The following ZNF695 variants were observed in gnomAD, a reference collection of about 807,000 sequenced individuals.
ZNF695 encodes zinc finger protein SBZF3.
In ZNF695, 11 loss-of-function variants were observed where a neutral mutation model predicts 11.2. That is an observed-to-expected ratio of 0.98 (90% CI 0.62 to 1.62). ZNF695 has a LOEUF of 1.62. ZNF695 is among the 40% of genes most tolerant of loss of function. ZNF695 has a pLI of 0.00. For missense variants in ZNF695, 559 were observed against 590.5 expected (o/e 0.95, Z 0.55); for synonymous variants, 190 against 201.4 (o/e 0.94, Z 0.48).
intron 4 of ZNF695, among the ~76,000 whole-genome samples, chr1:246,971,155 A>G (rs1668414267): frequency 6.6e-6 from 1 of 152,214 alleles, no homozygotes; most frequent in Non-Finnish European, 1.5e-5. Context: ...ATGATAGGTA[A>G]GGTCACACGA....
intron 5 of ZNF695, among the ~76,000 whole-genome samples, chr1:246,959,768 AC>A (rs1668118053): frequency 6.6e-6 from 1 of 152,120 alleles, no homozygotes; most frequent in Admixed American, 6.6e-5. Flanking sequence ...TGAGCTTGTC[AC>A]TTTTTCTTAC....
chr1:246,973,710 A>G (rs899623752), intron 4 of ZNF695, among the ~76,000 whole-genome samples: 2 of 152,228 alleles, frequency 1.3e-5, no homozygotes, highest in Admixed American at 6.5e-5. Flanking sequence ...TAACAACTTG[A>G]AAAAGGCATC....
chr1:246,991,567 C>A (rs1345649667), intron 3 of ZNF695, among the ~76,000 whole-genome samples: 2 of 152,126 alleles, frequency 1.3e-5, no homozygotes, highest in African/African-American at 4.8e-5. Flanking sequence ...ATCAAAACTA[C>A]AATGAGATAT....
At chr1:246,999,851 A>G in intron 2 of ZNF695, 61 bp downstream of exon 2, 1 of 1,536,864 alleles carries the variant, frequency 6.5e-7, no homozygotes, top group Admixed American at 1.8e-5. Context: ...TGTGAAACTC[A>G]TTCATGCAAA....
chr1:246,955,695 G>A (rs561402562), intron 5 of ZNF695, among the ~76,000 whole-genome samples: 2 of 152,170 alleles, frequency 1.3e-5, no homozygotes, highest in South Asian at 2.1e-4. Flanking sequence ...AAATGATAAC[G>A]CCCTATATTT....
chr1:246,982,052 C>T (rs571614440), downstream of ZNF695, among the ~76,000 whole-genome samples: 2 of 152,172 alleles, frequency 1.3e-5, no homozygotes, highest in East Asian at 1.9e-4. Flanking sequence ...GGGCGGATCA[C>T]GTGAGGTTGG....
intron 3 of ZNF695, among the ~76,000 whole-genome samples, chr1:246,992,340 A>C (rs1669065881): frequency 6.6e-6 from 1 of 152,142 alleles, no homozygotes; most frequent in African/African-American, 2.4e-5. Context: ...GTGGAATCTA[A>C]AAGTCCAAAC....
intron 3 of ZNF695, chr1:246,996,082 G>A (rs1215365513): frequency 1.6e-5 from 7 of 445,406 alleles, no homozygotes; most frequent in Admixed American, 7.2e-5. Flanking sequence ...GTGGTGGCCC[G>A]TGCCTGTAAT....
At chr1:246,958,209 C>A (rs927034448) in intron 5 of ZNF695, among the ~76,000 whole-genome samples, 2 of 151,654 alleles carry the variant, frequency 1.3e-5, no homozygotes, top group African/African-American at 4.9e-5. Flanking sequence ...CAGGTGCACA[C>A]CACCACGCCC....
chr1:246,958,153 G>A (rs1668050946), intron 5 of ZNF695, among the ~76,000 whole-genome samples: 2 of 151,070 alleles, frequency 1.3e-5, no homozygotes, highest in Admixed American at 1.3e-4. Flanking sequence ...CCGCCTCCCG[G>A]GTTCACGCCA....
At chr1:246,966,284 T>A (rs147232133) in intron 5 of ZNF695, among the ~76,000 whole-genome samples, 7 of 151,930 alleles carry the variant, frequency 4.6e-5, no homozygotes, top group African/African-American at 1.7e-4. Context: ...AGGTCAGGAG[T>A]TTGAGACCAA....
At chr1:246,974,494 C>T (rs1031450849) in intron 4 of ZNF695, among the ~76,000 whole-genome samples, 3 of 152,180 alleles carry the variant, frequency 2.0e-5, no homozygotes, top group Admixed American at 6.5e-5. Flanking sequence ...CTACCATGTA[C>T]ATATAGTTAG....
rs78357069 is a variant in ZNF695 at position 246,965,804 on chromosome 1, C to G, written c.488+1891G>C. Among the ~76,000 whole-genome samples, 875 of 152,108 alleles carry G rather than the reference C, an allele frequency of 5.8e-3. 19 individuals carry two copies. The highest frequency in any genetic ancestry group is 0.04 in the Admixed American group (617 of 15,256). ...CTGCAGAGTCCCCACAGCAAGAAGGCCCTCACCAGGAGCAGCCTCTCAACC... is the reference window on the plus strand; with the variant it reads ...CTGCAGAGTCCCCACAGCAAGAAGGGCCTCACCAGGAGCAGCCTCTCAACC... On this transcript the variant is annotated intron_variant, in intron 5 of 5. Transcript: ENST00000487338.
At chr1:246,993,357 A>C (rs111562199) in intron 3 of ZNF695, among the ~76,000 whole-genome samples, 3,412 of 152,214 alleles carry the variant, frequency 0.022, 51 homozygotes, top group Middle Eastern at 0.037. Flanking sequence ...CAGTGAGCCG[A>C]GATTGCAGCA....
At chr1:246,973,482 C>T (rs1027098212) in intron 4 of ZNF695, among the ~76,000 whole-genome samples, 2 of 152,192 alleles carry the variant, frequency 1.3e-5, no homozygotes, top group African/African-American at 2.4e-5. Context: ...TTGCTACTTG[C>T]GACCAGCAAT....
intron 3 of ZNF695, among the ~76,000 whole-genome samples, chr1:246,994,299 G>A (rs1226199733): frequency 6.6e-6 from 1 of 152,122 alleles, no homozygotes; most frequent in Non-Finnish European, 1.5e-5. Flanking sequence ...CCAGCACTTT[G>A]GGAGGCTGAG....
At position 247,007,933 on chromosome 1, in the gene ZNF695, G is replaced by T. The variant is rs200800772; in HGVS notation, c.-25C>A. ...TTTCCCAGCTTTTGGGGGTCCCAGC[G>T]TCCTCCCTATAAATCTCGCAATACC... On this transcript the variant is annotated 5_prime_UTR_variant, in exon 1 of 4. Coordinates refer to ENST00000339986, the MANE Select transcript of ZNF695 (RefSeq NM_020394.5). 49 of 1,517,260 alleles carry T rather than the reference G, an allele frequency of 3.2e-5. No individual in the cohort carries two copies. The East Asian group carries it at 1.1e-3, about 33-fold the overall frequency. The allele number at this position is 1,517,260 out of a possible 1,614,324, so 94.0% of individuals were successfully genotyped here. A position where few individuals can be genotyped will look rare whatever the true frequency, so the allele number is the denominator to read the frequency against.
intron 2 of ZNF695, 151 bp downstream of exon 2, chr1:246,999,761 A>G: frequency 1.4e-6 from 1 of 706,894 alleles, no homozygotes; most frequent in Non-Finnish European, 2.3e-6. Context: ...CTGAATAGAA[A>G]GGTTGATGTC....
intron 4 of ZNF695, chr1:246,969,404 C>T: frequency 6.6e-6 from 1 of 152,250 alleles, no homozygotes; most frequent in Non-Finnish European, 1.5e-5. Context: ...TCATCTCCAT[C>T]TGAGAACTCC....
Sources: allele counts gnomAD v4.1 joint callset (sites outside exome capture counted in the v4.1 genomes callset), GRCh38; gene constraint gnomAD v4.1.1; transcripts MANE v1.5; gene names NCBI Gene and HGNC (gene_info 2026-07-23, HGNC 2026-07-21).